CDKL5: variants seen among roughly 807,000 people sequenced by gnomAD.
The protein encoded by CDKL5 is cyclin-dependent kinase-like 5.
CDKL5 carries 8 observed loss-of-function variants against 61.7 expected under a neutral mutation model. The observed-to-expected ratio is 0.13, with a 90% CI of 0.08 to 0.23. CDKL5 has a LOEUF of 0.23. CDKL5 is among the 10% of genes least tolerant of loss of function. The pLI is 1.00. For missense variants in CDKL5, 440 were observed against 734.5 expected (o/e 0.60, Z 4.63); for synonymous variants, 275 against 272.3 (o/e 1.01, Z -0.10).
At chrX:18,487,890 TGG>T (rs1259349331) in intron 1 of CDKL5, among the ~76,000 whole-genome samples, 1 of 109,596 alleles carries the variant, frequency 9.1e-6, no homozygotes, top group Non-Finnish European at 1.9e-5. Flanking sequence ...CACTCCAGCC[TGG>T]GCGACAGAGT....
chrX:18,589,932 C>T (rs1925772783), intron 9 of CDKL5: 1 of 112,454 alleles, frequency 8.9e-6, no homozygotes, highest in African/African-American at 3.2e-5. Flanking sequence ...GCATAAATGT[C>T]TTCTTTTGAG....
intron 4 of CDKL5, among the ~76,000 whole-genome samples, chrX:18,573,607 G>A (rs1282200963): frequency 8.9e-6 from 1 of 112,467 alleles, no homozygotes; most frequent in Non-Finnish European, 1.9e-5. Context: ...TTCCCTGTAA[G>A]TACCCAGTTC....
chrX:18,585,377 A>T (rs189708014), intron 8 of CDKL5, among the ~76,000 whole-genome samples: 1 of 110,807 alleles, frequency 9.0e-6, no homozygotes, highest in African/African-American at 3.3e-5. Flanking sequence ...CCTGGGCGTC[A>T]GAGCAAGACT....
chrX:18,469,338 C>CAAAA (rs34096001), intron 1 of CDKL5, among the ~76,000 whole-genome samples: 40 of 15,668 alleles, frequency 2.6e-3, no homozygotes, highest in Non-Finnish European at 2.9e-3. Context: ...GACTCTGTCT[C>CAAAA]AAAAAAAAAA....
chrX:18,429,150 T>G (rs1931428587), intron 1 of CDKL5, among the ~76,000 whole-genome samples: 1 of 111,706 alleles, frequency 9.0e-6, no homozygotes, highest in African/African-American at 3.3e-5. Flanking sequence ...GGTAAGGACC[T>G]TCTACCTAGA....
intron 16 of CDKL5, among the ~76,000 whole-genome samples, chrX:18,624,666 A>G (rs1313601362): frequency 8.9e-6 from 1 of 112,146 alleles, no homozygotes; most frequent in Non-Finnish European, 1.9e-5. Context: ...TCACTTTGCT[A>G]TCCTTGAAAG....
rs147101098 is a variant in CDKL5, at chrX:18,577,850, G to A, written c.283-1998G>A. On this transcript the variant is annotated intron_variant, in intron 5 of 17. Transcript: ENST00000623535. ...ATTACAAAGCCTTCTTATTCCACCT[G>A]TGCATTTGGGACCATCTATGAATTT... Among the ~76,000 whole-genome samples the A allele has an allele frequency of 1.5e-4, 17 of 112,193 alleles. No homozygotes were observed. In the East Asian group the frequency reaches 4.7e-3, roughly 31 times the overall value.
At chrX:18,619,814 A>G in intron 15 of CDKL5, 53 bp from the exon 16 acceptor site, 1 of 826,238 alleles carries the variant, frequency 1.2e-6, no homozygotes, top group Non-Finnish European at 1.8e-6. Flanking sequence ...TTGTCACACA[A>G]TGGCAAGAAA....
chrX:18,444,887 A>G (rs921094518), intron 1 of CDKL5, among the ~76,000 whole-genome samples: 5 of 110,563 alleles, frequency 4.5e-5, no homozygotes, highest in Non-Finnish European at 9.5e-5. Flanking sequence ...TTGTTTGCCT[A>G]TGCCCGGGTT....
intron 1 of CDKL5, among the ~76,000 whole-genome samples, chrX:18,439,922 T>G (rs1198841219): frequency 9.4e-6 from 1 of 106,408 alleles, no homozygotes; most frequent in Non-Finnish European, 1.9e-5. Context: ...AAAAAGCACA[T>G]ACTTTAATTA....
intron 3 of CDKL5, among the ~76,000 whole-genome samples, chrX:18,543,321 C>T (rs557633163): frequency 3.7e-5 from 4 of 109,576 alleles, no homozygotes; most frequent in South Asian, 8.0e-4. Flanking sequence ...ATTTGTCTAT[C>T]GGTGCCAGGT....
At chrX:18,607,071 A>G (rs1926389796) in intron 12 of CDKL5, among the ~76,000 whole-genome samples, 2 of 111,917 alleles carry the variant, frequency 1.8e-5, no homozygotes, top group Non-Finnish European at 3.8e-5. Context: ...AGTTGCTCCA[A>G]GTTTACCCAA....
intron 1 of CDKL5, among the ~76,000 whole-genome samples, chrX:18,482,930 A>T (rs1260126266): frequency 8.9e-6 from 1 of 111,874 alleles, no homozygotes; most frequent in Non-Finnish European, 1.9e-5. Flanking sequence ...CAAGACTAAA[A>T]TTGTTTGCTT....
chrX:18,588,080 A>G lies in CDKL5; in HGVS notation c.681A>G (p.Leu227=), dbSNP rs1057522628. Residue 227 remains leucine, a synonymous_variant, in exon 9 of 18, where the codon CTA becomes CTG. Coordinates refer to ENST00000623535, the MANE Select transcript of CDKL5 (RefSeq NM_001323289.2). ...AACTTTTTACTATTCAGAAGGTGCT[A>G]GGACCACTTCCATCTGAGCAGATGA... ...IDQLFTIQKV[L]GPLPSEQMKL... The G allele has an allele frequency of 8.3e-7, 1 of 1,210,287 alleles. No individual in the cohort carries two copies. The highest frequency in any genetic ancestry group is 3.0e-5 in the East Asian group (1 of 33,829).
At position 18,599,890 on chromosome X, in the gene CDKL5, A is replaced by G. The variant is rs771038437; in HGVS notation, c.977+1277A>G. On this transcript the variant is annotated intron_variant, in intron 11 of 17. Transcript: ENST00000623535. Reference sequence around the variant, plus strand: ...TGCTCGATTGCTCAGGCTGGAATGCAGTGGTGCAATCATGGCCCACTGCAG... The same window carrying G: ...TGCTCGATTGCTCAGGCTGGAATGCGGTGGTGCAATCATGGCCCACTGCAG... Among the ~76,000 whole-genome samples, 10 of 111,920 alleles carry G rather than the reference A, an allele frequency of 8.9e-5. No homozygotes were observed. In the East Asian group the frequency reaches 2.8e-3, roughly 32 times the overall value.
At chrX:18,578,520 A>G (rs1422353364) in intron 5 of CDKL5, among the ~76,000 whole-genome samples, 2 of 112,200 alleles carry the variant, frequency 1.8e-5, no homozygotes, top group Non-Finnish European at 3.8e-5. Flanking sequence ...ATTTATGTGT[A>G]TTTTATCTAT....
rs191154686 is a variant in CDKL5, at chrX:18,639,100, T to C, written c.*10343T>C. The stretch of plus-strand genomic sequence containing the variant: ...ACTATAAAACTCATAGAAGAAAACA[T>C]AGGGGTAAATCTTCATGACCTTGGA... On this transcript the variant is annotated 3_prime_UTR_variant, in exon 18 of 18. Transcript: ENST00000623535. 9.0e-5 allele frequency among the ~76,000 whole-genome samples: 10 copies of C among 111,679 alleles called. No homozygotes were observed. Among genetic ancestry groups the C allele is most frequent in the Non-Finnish European group, 1.7e-4 (9 of 53,141 alleles).
At chrX:18,653,625 A>AGCG in exon 22 of CDKL5, 1 of 1,100,741 alleles carries the variant, frequency 9.1e-7, no homozygotes, top group African/African-American at 1.8e-5. Context: ...TGAATCAACC[A>AGCG]TTAACGCTGA....
chrX:18,578,272 C>T (rs1388682198), intron 5 of CDKL5, among the ~76,000 whole-genome samples: 1 of 112,292 alleles, frequency 8.9e-6, no homozygotes, highest in East Asian at 2.8e-4. Context: ...TTCTTATAAA[C>T]AACAACTCTT....
Sources: allele counts gnomAD v4.1 joint callset (sites outside exome capture counted in the v4.1 genomes callset), GRCh38; gene constraint gnomAD v4.1.1; transcripts MANE v1.5; gene names NCBI Gene and HGNC (gene_info 2026-07-23, HGNC 2026-07-21).